Variants in ATXN1 observed in about 807,000 individuals in gnomAD.
The protein encoded by ATXN1 is ataxin-1.
ATXN1 carries 8 observed loss-of-function variants against 56.4 expected under a neutral mutation model. The observed-to-expected ratio is 0.14, with a 90% CI of 0.08 to 0.26. The LOEUF (loss-of-function observed/expected upper bound fraction) is 0.26. Ranked by LOEUF, ATXN1 falls within the 10% of genes least tolerant of loss-of-function variation. The pLI is 1.00. For missense variants in ATXN1, 987 were observed against 1,106.5 expected, an observed-to-expected ratio of 0.89 and a Z score of 1.53; for synonymous variants, 514 against 494.6, an observed-to-expected ratio of 1.04 and a Z score of -0.52.
chr6:16,360,805 A>G (rs890337886), intron 6 of ATXN1, among the ~76,000 whole-genome samples: 11 of 152,188 alleles, frequency 7.2e-5, no homozygotes, highest in African/African-American at 2.7e-4. Context: ...ACACACACAC[A>G]AGCCCACGTC....
chr6:16,361,715 C>T (rs1280071349), intron 6 of ATXN1, among the ~76,000 whole-genome samples: 8 of 152,172 alleles, frequency 5.3e-5, no homozygotes, highest in Admixed American at 4.6e-4. Context: ...ACTTCTCCTC[C>T]TCCTACAATC....
chr6:16,431,053 T>G (rs765158120), intron 6 of ATXN1, among the ~76,000 whole-genome samples: 6 of 151,978 alleles, frequency 3.9e-5, no homozygotes, highest in Non-Finnish European at 7.4e-5. Context: ...GGAATGCACA[T>G]GTACGGTATC....
At chr6:16,640,183 C>T (rs2113819971) in intron 3 of ATXN1, among the ~76,000 whole-genome samples, 1 of 152,270 alleles carries the variant, frequency 6.6e-6, no homozygotes, top group South Asian at 2.1e-4. Context: ...TACAGTATTT[C>T]AAACTTTTGC....
intron 2 of ATXN1, among the ~76,000 whole-genome samples, chr6:16,683,573 T>C (rs1226440524): frequency 6.6e-6 from 1 of 152,196 alleles, no homozygotes; most frequent in African/African-American, 2.4e-5. Context: ...GGAGATCACA[T>C]TGAAGGGATT....
intron 3 of ATXN1, among the ~76,000 whole-genome samples, chr6:16,634,892 T>C (rs770575935): frequency 6.6e-6 from 1 of 152,208 alleles, no homozygotes; most frequent in South Asian, 2.1e-4. Context: ...TTCATTACCA[T>C]TGGCATTATT....
chr6:16,411,564 A>AT (rs1758801627), intron 6 of ATXN1, among the ~76,000 whole-genome samples: 1 of 152,228 alleles, frequency 6.6e-6, no homozygotes, highest in Non-Finnish European at 1.5e-5. Flanking sequence ...TTAAAAAAAA[A>AT]AAATCTCCCT....
Position 16,327,183 on chromosome 6 carries a change from C to T in ATXN1, c.1128G>A (p.Ser376=), listed in dbSNP as rs142404162. ...GGACCATCACAGAGGCCCGGACCCC[C>T]GAAGGATCACGACTGCTGTAGTCTG... ...SPSDYSSRDP[S]GVRASVMVLP... Residue 376 remains serine, a synonymous_variant, in exon 7 of 8, where the codon TCG becomes TCA. Coordinates refer to ENST00000436367, the MANE Select transcript of ATXN1 (RefSeq NM_001128164.2). The T allele has an allele frequency of 1.9e-4, 312 of 1,613,824 alleles. No individual in the cohort carries two copies. Among genetic ancestry groups the T allele is most frequent in the Non-Finnish European group, 2.3e-4 (270 of 1,180,028 alleles).
At chr6:16,708,376 G>A (rs1759450161) in intron 2 of ATXN1, among the ~76,000 whole-genome samples, 1 of 46,314 alleles carries the variant, frequency 2.2e-5, no homozygotes, top group African/African-American at 9.5e-5. Flanking sequence ...AAAAAGGGAA[G>A]CTTAAAAATT....
intron 6 of ATXN1, among the ~76,000 whole-genome samples, chr6:16,445,147 CATAAA>C (rs1759606408): frequency 6.6e-6 from 1 of 152,032 alleles, no homozygotes. Context: ...AATCCTACAA[CATAAA>C]ATAAAACTTA....
chr6:16,535,599 C>T (rs1041919479), intron 4 of ATXN1, among the ~76,000 whole-genome samples: 6 of 152,218 alleles, frequency 3.9e-5, no homozygotes, highest in East Asian at 1.9e-4. Flanking sequence ...GAAGAAAACA[C>T]GCATCTCTTG....
At chr6:16,348,018 T>A (rs984847263) in intron 6 of ATXN1, among the ~76,000 whole-genome samples, 2 of 152,160 alleles carry the variant, frequency 1.3e-5, no homozygotes, top group African/African-American at 4.8e-5. Context: ...CAGGGAGGAA[T>A]GAACAACTCC....
At chr6:16,620,262 AACACACACACACAC>A (rs60586256) in intron 3 of ATXN1, among the ~76,000 whole-genome samples, 7 of 137,410 alleles carry the variant, frequency 5.1e-5, no homozygotes, top group South Asian at 2.4e-4. Context: ...CTGTCTCTCA[AACACACACACACAC>A]ACACACACAC....
At chr6:16,428,999 G>T (rs566454578) in intron 6 of ATXN1, among the ~76,000 whole-genome samples, 130 of 151,874 alleles carry the variant, frequency 8.6e-4, no homozygotes, top group Middle Eastern at 3.4e-3. Flanking sequence ...ACAATGTGAA[G>T]TAAGGTTTGG....
At chr6:16,468,080 T>C (rs1000527094) in intron 6 of ATXN1, among the ~76,000 whole-genome samples, 1 of 152,246 alleles carries the variant, frequency 6.6e-6, no homozygotes, top group African/African-American at 2.4e-5. Flanking sequence ...TAATAATTTG[T>C]CTCCTATTTG....
intron 6 of ATXN1, among the ~76,000 whole-genome samples, chr6:16,430,126 C>G (rs1759248706): frequency 6.6e-6 from 1 of 152,054 alleles, no homozygotes. Flanking sequence ...GCTTGGACCC[C>G]AAAGTCCCTG....
intron 4 of ATXN1, among the ~76,000 whole-genome samples, chr6:16,584,549 T>C (rs897676236): frequency 1.3e-5 from 2 of 151,944 alleles, no homozygotes; most frequent in African/African-American, 4.8e-5. Context: ...TTCTGAAATG[T>C]CGAAATCTGG....
Position 16,306,532 on chromosome 6 carries a change from T to C in ATXN1, c.2245A>G (p.Lys749Glu). Residue 749 changes from lysine to glutamate, a missense_variant, in exon 8 of 8, where the codon AAA (lysine) becomes GAA (glutamate). By Grantham distance (56) the Lys-to-Glu change is moderately conservative. This residue lies in a region of ATXN1 where 196 missense variants were observed against 196.7 expected (regional missense o/e 1.00). Transcript: ENST00000436367. The surrounding 1 kb of genome is among the most constrained non-coding windows in gnomAD (Gnocchi z 5.2). ...AAGGGCGCTGCAGGCAATCCCATTTTCTCTGGAAACTTCAGTTCGCCATTC... is the reference window on the plus strand; with the variant it reads ...AAGGGCGCTGCAGGCAATCCCATTTCCTCTGGAAACTTCAGTTCGCCATTC... The part of the protein sequence containing the change: ...SENGELKFPE[K>E]MGLPAAPFLT... 1 of 1,614,182 alleles carries C rather than the reference T, an allele frequency of 6.2e-7. No homozygotes were observed. Among genetic ancestry groups the C allele is most frequent in the Non-Finnish European group, 8.5e-7 (1 of 1,180,028 alleles).
intron 4 of ATXN1, among the ~76,000 whole-genome samples, chr6:16,551,882 T>C (rs1377933849): frequency 6.6e-6 from 1 of 151,852 alleles, no homozygotes; most frequent in Non-Finnish European, 1.5e-5. Flanking sequence ...ACACTGAAAA[T>C]AAGGAAAAGA....
chr6:16,534,509 G>A (rs1761561928), intron 4 of ATXN1, among the ~76,000 whole-genome samples: 1 of 151,594 alleles, frequency 6.6e-6, no homozygotes, highest in Non-Finnish European at 1.5e-5. Flanking sequence ...CCCCTGATGT[G>A]TAGCATTTGC....
Sources: allele counts gnomAD v4.1 joint callset (sites outside exome capture counted in the v4.1 genomes callset), GRCh38; gene constraint gnomAD v4.1.1; regional missense constraint gnomAD v4.1.1; non-coding constraint Gnocchi (gnomAD v3.1); transcripts MANE v1.5; gene names NCBI Gene and HGNC (gene_info 2026-07-23, HGNC 2026-07-21).